Variants in COL22A1 observed in about 807,000 individuals in gnomAD.
COL22A1 encodes collagen alpha-1(XXII) chain.
Under a neutral mutation model 248.9 loss-of-function variants are expected in COL22A1, and 221 were observed. The observed-to-expected ratio is 0.89, with a 90% CI of 0.80 to 0.99. COL22A1 has a LOEUF of 0.99. Ranked by LOEUF, COL22A1 falls within the 50% of genes least tolerant of loss-of-function variation. The pLI, the probability that COL22A1 is intolerant of heterozygous loss-of-function variation, is 0.00. For synonymous variants in COL22A1, 891 were observed against 793.4 expected (o/e 1.12, Z -2.07); for missense variants, 2,240 against 2,179.0 (o/e 1.03, Z -0.56).
Position 138,716,219 on chromosome 8 carries a change from A to G in COL22A1, c.2463+8T>C. ...CCTGTGTGGGAGGAAGGAAGCTGCC[A>G]CACTTACCTGGTCTCCTTTCTCTCC... On this transcript the variant is annotated splice_region_variant and intron_variant, in intron 29 of 64. Transcript: ENST00000303045. 1 of 1,577,098 alleles carries G rather than the reference A, an allele frequency of 6.3e-7. No homozygotes were observed. Among genetic ancestry groups the G allele is most frequent in the African/African-American group, 1.3e-5 (1 of 74,530 alleles).
At chr8:138,785,149 C>A (rs1815404207) in intron 12 of COL22A1, among the ~76,000 whole-genome samples, 1 of 152,174 alleles carries the variant, frequency 6.6e-6, no homozygotes, top group African/African-American at 2.4e-5. Flanking sequence ...AGGGATTCTG[C>A]CCTTCCTCTT....
chr8:138,794,858 C>T (rs1816365248), intron 12 of COL22A1, among the ~76,000 whole-genome samples: 1 of 152,060 alleles, frequency 6.6e-6, no homozygotes, highest in Non-Finnish European at 1.5e-5. Context: ...CTAAAATAGT[C>T]AAATTCCTAG....
chr8:138,676,413 A>AAG (rs1554744005), intron 41 of COL22A1, 145 bp downstream of exon 41: 47 of 325,470 alleles, frequency 1.4e-4, no homozygotes, highest in African/African-American at 7.8e-4. Flanking sequence ...AAAAGAAAGA[A>AAG]AAAGAAAGAA....
At chr8:138,838,687 A>G (rs1820623088) in intron 4 of COL22A1, among the ~76,000 whole-genome samples, 3 of 151,130 alleles carry the variant, frequency 2.0e-5, no homozygotes, top group Non-Finnish European at 4.4e-5. Context: ...AAAAAAAGAT[A>G]AATTGCCCAA....
At chr8:138,756,636 A>G (rs1020162789) in intron 18 of COL22A1, among the ~76,000 whole-genome samples, 1 of 152,190 alleles carries the variant, frequency 6.6e-6, no homozygotes, top group Non-Finnish European at 1.5e-5. Flanking sequence ...GTTGTTAATG[A>G]AGCTAGTAAA....
chr8:138,805,980 G>GGTGTAGGTA (rs1817580133), intron 10 of COL22A1, among the ~76,000 whole-genome samples: 2 of 121,512 alleles, frequency 1.6e-5, no homozygotes, highest in Admixed American at 8.9e-5. Context: ...TAGTGTGTGT[G>GGTGTAGGTA]ATTGTGTGTG....
intron 4 of COL22A1, among the ~76,000 whole-genome samples, chr8:138,840,080 A>G (rs538407516): frequency 4.3e-4 from 66 of 152,204 alleles, no homozygotes; most frequent in African/African-American, 1.5e-3. Flanking sequence ...AAATAGCCAG[A>G]GTCATTTATG....
intron 3 of COL22A1, among the ~76,000 whole-genome samples, chr8:138,870,459 C>T (rs111162981): frequency 2.3e-4 from 34 of 149,196 alleles, no homozygotes; most frequent in Middle Eastern, 7.1e-3. Flanking sequence ...GTGGTGTGTA[C>T]AGGTGAATGG....
At chr8:138,842,340 CATA>C (rs1467249603) in intron 4 of COL22A1, among the ~76,000 whole-genome samples, 1 of 152,208 alleles carries the variant, frequency 6.6e-6, no homozygotes, top group Non-Finnish European at 1.5e-5. Flanking sequence ...ACACTATTGT[CATA>C]ATGATTCCTT....
intron 22 of COL22A1, among the ~76,000 whole-genome samples, chr8:138,747,376 A>G (rs530004728): frequency 1.3e-5 from 2 of 152,186 alleles, no homozygotes; most frequent in Non-Finnish European, 2.9e-5. Context: ...CATTTTTTGA[A>G]AACATGGAAA....
chr8:138,593,750 A>T (rs1332112874), intron 63 of COL22A1, among the ~76,000 whole-genome samples: 3 of 152,186 alleles, frequency 2.0e-5, no homozygotes, highest in Non-Finnish European at 4.4e-5. Flanking sequence ...ACCTCCCTGA[A>T]ACTTGAGCAG....
At position 138,813,787 on chromosome 8, in the gene COL22A1, G is replaced by A. The variant is rs539484779; in HGVS notation, c.1246-768C>T. 1.3e-3 allele frequency among the ~76,000 whole-genome samples: 196 copies of A among 152,210 alleles called. 2 individuals are homozygous for A. Among genetic ancestry groups the A allele is most frequent in the African/African-American group, 4.5e-3 (188 of 41,506 alleles). ...CTCTGCCCTCCGCTCCGCACACAGAGGCACACCACCATCCTCTCTCCAGGT... is the reference window on the plus strand; with the variant it reads ...CTCTGCCCTCCGCTCCGCACACAGAAGCACACCACCATCCTCTCTCCAGGT... On this transcript the variant is annotated intron_variant, in intron 7 of 64. Transcript: ENST00000303045.
chr8:138,794,041 T>C (rs1440520118), intron 12 of COL22A1, among the ~76,000 whole-genome samples: 1 of 152,150 alleles, frequency 6.6e-6, no homozygotes, highest in Non-Finnish European at 1.5e-5. Context: ...GCCTTCTTCA[T>C]ACCCTGTGCT....
At position 138,683,162 on chromosome 8, in the gene COL22A1, GC is replaced by G. The variant is rs560224631; in HGVS notation, c.3012+1262del. 2.9e-3 allele frequency among the ~76,000 whole-genome samples: 447 copies of G among 152,198 alleles called. 1 individual carries two copies. The highest frequency in any genetic ancestry group is 4.6e-3 in the Non-Finnish European group (314 of 68,006). ...GTCTGTTGACATATCTGTTTTCCTGGCTGAACCGTGAGCCACTGGAGGTCCT... is the reference window on the plus strand; with the variant it reads ...GTCTGTTGACATATCTGTTTTCCTGGTGAACCGTGAGCCACTGGAGGTCCT... On this transcript the variant is annotated intron_variant, in intron 39 of 64. Coordinates refer to ENST00000303045, the MANE Select transcript of COL22A1 (RefSeq NM_152888.3).
chr8:138,593,838 T>C (rs1817289838), intron 63 of COL22A1, among the ~76,000 whole-genome samples, 179 bp downstream of exon 63: 1 of 152,228 alleles, frequency 6.6e-6, no homozygotes, highest in African/African-American at 2.4e-5. Flanking sequence ...TGTAAAAATG[T>C]CAAGTATGAA....
In COL22A1 at chr8:138,589,212, T is replaced by G; in HGVS notation, c.*41A>C. On this transcript the variant is annotated 3_prime_UTR_variant, in exon 65 of 65. Coordinates refer to ENST00000303045, the MANE Select transcript of COL22A1 (RefSeq NM_152888.3). ...CTTCCCACTGGGCTCTGAGTTCAAG[T>G]TTCAGAAATCCACTGCAGTCTTCTG... The G allele has an allele frequency of 6.3e-7, 1 of 1,598,504 alleles. No individual in the cohort carries two copies. The highest frequency in any genetic ancestry group is 8.5e-7 in the Non-Finnish European group (1 of 1,170,482).
intron 12 of COL22A1, among the ~76,000 whole-genome samples, chr8:138,782,114 T>C (rs1370404296): frequency 6.6e-6 from 1 of 152,248 alleles, no homozygotes; most frequent in Non-Finnish European, 1.5e-5. Flanking sequence ...CAACATTCTG[T>C]CTGACATAAG....
At chr8:138,830,000 C>T (rs1191233548) in intron 5 of COL22A1, among the ~76,000 whole-genome samples, 2 of 151,910 alleles carry the variant, frequency 1.3e-5, no homozygotes, top group Admixed American at 1.3e-4. Context: ...CCATATGTAC[C>T]TATATATACA....
chr8:138,601,053 C>T (rs1202954621), intron 60 of COL22A1, among the ~76,000 whole-genome samples: 1 of 152,102 alleles, frequency 6.6e-6, no homozygotes, highest in East Asian at 1.9e-4. Flanking sequence ...AGCTCTCCGC[C>T]TATTGATTAG....
Sources: gnomAD v4.1 joint callset for allele counts (sites outside exome capture counted in the v4.1 genomes callset) on GRCh38, gnomAD v4.1.1 for gene constraint, MANE v1.5 for transcripts, NCBI Gene and HGNC (gene_info 2026-07-23, HGNC 2026-07-21) for gene names.